The following MKX variants were observed in gnomAD, a reference collection of about 807,000 sequenced individuals.
MKX encodes the protein homeobox protein Mohawk.
Under a neutral mutation model 36.0 loss-of-function variants are expected in MKX, and 13 were observed. The observed-to-expected ratio is 0.36, with a 90% confidence interval of 0.24 to 0.57. The LOEUF is 0.57. MKX is among the 20% of genes least tolerant of loss of function. The pLI is 0.79. For synonymous variants in MKX, 176 were observed against 178.3 expected, an observed-to-expected ratio of 0.99 and a Z score of 0.10; for missense variants, 458 against 456.4, an observed-to-expected ratio of 1.00 and a Z score of -0.03.
intron 5 of MKX, among the ~76,000 whole-genome samples, chr10:27,677,969 G>A (rs1258479375): frequency 6.6e-6 from 1 of 152,138 alleles, no homozygotes; most frequent in Admixed American, 6.5e-5. Flanking sequence ...CCATAATTTT[G>A]CAATATAAAG....
Position 27,741,207 on chromosome 10 carries a change from A to T in MKX, c.348+138T>A. On this transcript the variant is annotated intron_variant, in intron 3 of 6. Coordinates refer to ENST00000419761, the MANE Select transcript of MKX (RefSeq NM_173576.3). This position sits in a 1 kb window ranked among gnomAD's most constrained non-coding sequence, Gnocchi z 5.1. ...GAACTGAGGGATGAGGGTGAGAGGT[A>T]ATTCAGAAACTCCCACAGCTCGGCT... 9.7e-7 allele frequency: 1 copy of T among 1,026,658 alleles called. No individual in the cohort carries two copies. The highest frequency in any genetic ancestry group is 1.5e-6 in the Non-Finnish European group (1 of 687,648). The allele number at this position is 1,026,658 out of a possible 1,614,324, so 63.6% of individuals were successfully genotyped here.
chr10:27,733,376 A>T (rs1834676614), intron 5 of MKX, among the ~76,000 whole-genome samples: 1 of 152,234 alleles, frequency 6.6e-6, no homozygotes, highest in Non-Finnish European at 1.5e-5. Flanking sequence ...TCTTGATATT[A>T]TGAAGAAAAG....
intron 1 of MKX, among the ~76,000 whole-genome samples, chr10:27,745,121 G>T (rs1382295130): frequency 6.6e-6 from 1 of 151,646 alleles, no homozygotes; most frequent in Non-Finnish European, 1.5e-5. Context: ...TCCCCGGCCC[G>T]GCCTTCTCCG....
rs1313475620 is a variant in MKX, at chr10:27,736,600, A to G, written c.349-1226T>C. On this transcript the variant is annotated intron_variant, in intron 3 of 6. Coordinates refer to ENST00000419761, the MANE Select transcript of MKX (RefSeq NM_173576.3). ...GGCTTTGAAGAAAGGCCAGATTACT[A>G]TAATGGTTTGTGTGGCAATGTTTGC... 2.0e-5 allele frequency among the ~76,000 whole-genome samples: 3 copies of G among 152,076 alleles called. No individual in the cohort carries two copies. In the East Asian group the frequency reaches 5.8e-4, roughly 29 times the overall value.
chr10:27,722,024 G>T (rs1834391045), intron 5 of MKX, among the ~76,000 whole-genome samples: 1 of 152,168 alleles, frequency 6.6e-6, no homozygotes, highest in African/African-American at 2.4e-5. Flanking sequence ...ATTGTAGGTA[G>T]ATTATAAGTA....
At chr10:27,683,214 G>T (rs950482910) in intron 5 of MKX, among the ~76,000 whole-genome samples, 13 of 152,080 alleles carry the variant, frequency 8.5e-5, no homozygotes, top group Admixed American at 4.6e-4. Context: ...GGGATGGGGG[G>T]GCCCCTGTTT....
At chr10:27,722,323 T>C (rs2132616664) in intron 5 of MKX, among the ~76,000 whole-genome samples, 1 of 152,320 alleles carries the variant, frequency 6.6e-6, no homozygotes. Flanking sequence ...CCCTGTCTTG[T>C]GGCTCAGAGC....
intron 5 of MKX, among the ~76,000 whole-genome samples, chr10:27,724,312 G>C (rs1416363367): frequency 6.6e-6 from 1 of 152,154 alleles, no homozygotes; most frequent in East Asian, 1.9e-4. Flanking sequence ...CCTATCTGCA[G>C]TCCAGCAGTT....
intron 5 of MKX, among the ~76,000 whole-genome samples, chr10:27,700,905 C>T (rs938495521): frequency 2.0e-5 from 3 of 152,124 alleles, no homozygotes; most frequent in African/African-American, 7.2e-5. Context: ...ATTGTCTTCC[C>T]TGACTCCTGT....
At chr10:27,722,633 CT>C (rs1449025994) in intron 5 of MKX, among the ~76,000 whole-genome samples, 3 of 152,154 alleles carry the variant, frequency 2.0e-5, no homozygotes, top group African/African-American at 7.2e-5. Context: ...TTCCTGTGGT[CT>C]CATCTACAAG....
intron 5 of MKX, among the ~76,000 whole-genome samples, chr10:27,728,096 A>G (rs73604048): frequency 2.7e-3 from 409 of 152,364 alleles, no homozygotes; most frequent in African/African-American, 9.6e-3. Flanking sequence ...CTGCTGGAGT[A>G]CATCAACAGT....
chr10:27,675,079 T>G lies in MKX; in HGVS notation c.*150A>C. 1 of 625,258 alleles carries G rather than the reference T, an allele frequency of 1.6e-6. No individual in the cohort carries two copies. The highest frequency in any genetic ancestry group is 2.6e-6 in the Non-Finnish European group (1 of 388,772). The allele number at this position is 625,258 out of a possible 1,614,324, so 38.7% of individuals were successfully genotyped here. ...AGTTTTTTATAATTTATATGTCTTT[T>G]ATAGAAGCAACTAAATGATATATTT... On this transcript the variant is annotated 3_prime_UTR_variant, in exon 7 of 7. Coordinates refer to ENST00000419761, the MANE Select transcript of MKX (RefSeq NM_173576.3).
At chr10:27,711,514 C>CTCTCT (rs1564357178) in intron 5 of MKX, among the ~76,000 whole-genome samples, 1 of 120,830 alleles carries the variant, frequency 8.3e-6, no homozygotes, top group African/African-American at 3.9e-5. Context: ...TTCCTTCCTT[C>CTCTCT]CTTCCTTCCT....
In MKX at chr10:27,675,408, T is replaced by C. The variant is rs1458669259; in HGVS notation, c.880A>G (p.Asn294Asp). The change falls in exon 7 of 7, where the codon AAC (asparagine) becomes GAC (aspartate). Residue 294 changes from asparagine (N) to aspartate (D), a missense_variant. Transcript: ENST00000419761. ...NGSNKGESAANRKGPSKDDTY... is the reference protein window; with the variant it reads ...NGSNKGESAADRKGPSKDDTY... Reference sequence around the variant, plus strand: ...TCATCCTTGCTTGGTCCTTTTCTGTTAGCTGCGCTGGAGTTAAGCAAAACA... The same window carrying C: ...TCATCCTTGCTTGGTCCTTTTCTGTCAGCTGCGCTGGAGTTAAGCAAAACA... 1 of 1,614,162 alleles carries C rather than the reference T, an allele frequency of 6.2e-7. No homozygotes were observed. Among genetic ancestry groups the C allele is most frequent in the East Asian group, 2.2e-5 (1 of 44,880 alleles).
In MKX at chr10:27,738,958, C is replaced by CAT. The variant is rs201312186; in HGVS notation, c.348+2385_348+2386dup. ...CTATAAGCCTTGTAGCTGATAATGG[C>CAT]ATATATATATCAGCAGGCACACTCA... On this transcript the variant is annotated intron_variant, in intron 3 of 6. Transcript: ENST00000419761. Among the ~76,000 whole-genome samples the CAT allele has an allele frequency of 4.2e-3, 641 of 152,002 alleles. 6 individuals are homozygous for CAT. Among genetic ancestry groups the CAT allele is most frequent in the Non-Finnish European group, 7.8e-3 (528 of 67,884 alleles).
chr10:27,707,632 G>A (rs998931671), intron 5 of MKX, among the ~76,000 whole-genome samples: 15 of 152,272 alleles, frequency 9.9e-5, no homozygotes, highest in African/African-American at 3.6e-4. Flanking sequence ...GCCGCCCTGC[G>A]TCCACACTGC....
At chr10:27,723,697 G>A (rs1050430406) in intron 5 of MKX, among the ~76,000 whole-genome samples, 1 of 152,212 alleles carries the variant, frequency 6.6e-6, no homozygotes, top group Non-Finnish European at 1.5e-5. Flanking sequence ...TTGCTCTGAA[G>A]CCATGTGACA....
chr10:27,698,593 G>A (rs540663321), intron 5 of MKX, among the ~76,000 whole-genome samples: 1 of 152,138 alleles, frequency 6.6e-6, no homozygotes, highest in Non-Finnish European at 1.5e-5. Context: ...TCTGAGGAAG[G>A]GGGGCAAGGA....
chr10:27,723,655 G>A (rs978717752), intron 5 of MKX, among the ~76,000 whole-genome samples: 8 of 152,200 alleles, frequency 5.3e-5, no homozygotes, highest in Non-Finnish European at 1.2e-4. Flanking sequence ...TAACATTTAA[G>A]GAATTCTCTC....
Sources: allele counts gnomAD v4.1 joint callset (sites outside exome capture counted in the v4.1 genomes callset), GRCh38; gene constraint gnomAD v4.1.1; non-coding constraint Gnocchi (gnomAD v3.1); transcripts MANE v1.5; gene names NCBI Gene and HGNC (gene_info 2026-07-23, HGNC 2026-07-21).